MCF2L: variants seen among roughly 807,000 people sequenced by gnomAD.
The protein encoded by MCF2L is guanine nucleotide exchange factor DBS.
In MCF2L, 97 loss-of-function variants were observed where a neutral mutation model predicts 153.4. That is an observed-to-expected ratio of 0.63 (90% CI 0.54 to 0.75). MCF2L has a LOEUF of 0.75. Ranked by LOEUF, MCF2L falls within the 30% of genes least tolerant of loss-of-function variation. The pLI is 0.00. For missense variants in MCF2L, 1,347 were observed against 1,495.2 expected (o/e 0.90, Z 1.64); for synonymous variants, 659 against 632.2 (o/e 1.04, Z -0.64).
intron 2 of MCF2L, among the ~76,000 whole-genome samples, chr13:112,914,831 G>C (rs1048214737): frequency 1.4e-4 from 21 of 151,182 alleles, no homozygotes; most frequent in Non-Finnish European, 2.8e-4. Context: ...AGTGATGTGA[G>C]TTGAAAGTAT....
chr13:113,030,120 C>G (rs907507846), intron 3 of MCF2L, among the ~76,000 whole-genome samples: 1 of 152,202 alleles, frequency 6.6e-6, no homozygotes, highest in Non-Finnish European at 1.5e-5. Context: ...GTTTGGGGCA[C>G]CTGTTAATAT....
intron 3 of MCF2L, among the ~76,000 whole-genome samples, chr13:113,034,461 A>G (rs2086005828): frequency 6.6e-6 from 1 of 152,124 alleles, no homozygotes; most frequent in African/African-American, 2.4e-5. Context: ...TCATTCACAC[A>G]TGACCAATGG....
At chr13:113,060,487 C>A (rs2031197914) in intron 4 of MCF2L, 106 bp from the exon 5 acceptor site, 3 of 1,386,050 alleles carry the variant, frequency 2.2e-6, no homozygotes, top group African/African-American at 1.4e-5. Flanking sequence ...GGATGCCTGG[C>A]CGCTAGCTGC....
chr13:112,895,954 G>T (rs112963353), intron 1 of MCF2L, among the ~76,000 whole-genome samples: 3 of 152,308 alleles, frequency 2.0e-5, no homozygotes, highest in Admixed American at 6.5e-5. Context: ...CCCCCCACAC[G>T]TCTGTGAAAT....
chr13:113,062,083 C>G (rs1475100904), intron 5 of MCF2L, among the ~76,000 whole-genome samples: 2 of 150,880 alleles, frequency 1.3e-5, no homozygotes, highest in Non-Finnish European at 2.9e-5. Flanking sequence ...GGCCCCAGAA[C>G]CACCAGCTTC....
intron 12 of MCF2L, 74 bp downstream of exon 12, chr13:113,076,231 A>C: frequency 9.4e-7 from 1 of 1,068,728 alleles, no homozygotes; most frequent in Admixed American, 2.9e-5. Flanking sequence ...GGGAAGTTTG[A>C]AAGAATCATT....
At chr13:113,010,454 G>A (rs1301835175) in intron 1 of MCF2L, 1 of 152,182 alleles carries the variant, frequency 6.6e-6, no homozygotes. Flanking sequence ...TCAGTGGTGG[G>A]GCCTCACCTG....
At chr13:112,912,423 T>C (rs2081242213) in intron 2 of MCF2L, among the ~76,000 whole-genome samples, 1 of 151,998 alleles carries the variant, frequency 6.6e-6, no homozygotes. Flanking sequence ...TTCAAGCAAT[T>C]CTCCTGCCTC....
intron 2 of MCF2L, among the ~76,000 whole-genome samples, chr13:112,926,518 A>ACGGCCTGGTCTACATGCACAGCGGAGTG (rs2081408473): frequency 4.1e-5 from 4 of 97,370 alleles, no homozygotes; most frequent in South Asian, 7.4e-4. Context: ...ACAGCGGAGT[A>ACGGCCTGGTCTACATGCACAGCGGAGTG]CTGTACGGCC....
Position 113,046,833 on chromosome 13 carries a change from C to A in MCF2L, c.369+1472C>A. 2.8e-6 allele frequency: 1 copy of A among 362,488 alleles called. No homozygotes were observed. The highest frequency in any genetic ancestry group is 2.1e-5 in the African/African-American group (1 of 46,804). 22.5% of individuals were successfully genotyped at this position (362,488 alleles called of 1,614,324 possible). On this transcript the variant is annotated intron_variant, in intron 4 of 29. Coordinates refer to ENST00000535094, the MANE Select transcript of MCF2L (RefSeq NM_001112732.3). This position sits in a 1 kb window ranked among gnomAD's most constrained non-coding sequence, Gnocchi z 4.4. ...AATTCAAAACGCTTCAGGATGCTTCCAAAAAAGTAGACGTGTATAGAATCG... is the reference window on the plus strand; with the variant it reads ...AATTCAAAACGCTTCAGGATGCTTCAAAAAAAGTAGACGTGTATAGAATCG...
Position 113,066,107 on chromosome 13 carries a change from A to C in MCF2L, c.818A>C (p.Gln273Pro). The change falls in exon 8 of 30, where the codon CAG becomes CCG. Residue 273 changes from glutamine to proline, a missense_variant. Coordinates refer to ENST00000535094, the MANE Select transcript of MCF2L (RefSeq NM_001112732.3). ...GTCCTGGAGAGCCTCAGGGAGCTGC[A>C]GGCTGAGGGCTCAGAGCCCAGTGTG... is the stretch of plus-strand genomic sequence containing the variant. ...HSVLESLREL[Q>P]AEGSEPSVNQ... is the part of the protein sequence containing the mutation. The C allele has an allele frequency of 6.2e-7, 1 of 1,613,324 alleles. No homozygotes were observed. Among genetic ancestry groups the C allele is most frequent in the Non-Finnish European group, 8.5e-7 (1 of 1,179,944 alleles).
Position 113,042,009 on chromosome 13 carries a change from G to A in MCF2L, c.279-3262G>A, listed in dbSNP as rs141628186. The stretch of plus-strand genomic sequence containing the variant: ...ATAGCACCAGCCTCACGGGATGGTC[G>A]CTGGAGCTTGATGAATAGCTGTAGG... On this transcript the variant is annotated intron_variant, in intron 3 of 29. Coordinates refer to ENST00000535094, the MANE Select transcript of MCF2L (RefSeq NM_001112732.3). Among the ~76,000 whole-genome samples, 44 of 152,270 alleles carry A rather than the reference G, an allele frequency of 2.9e-4. 1 individual carries two copies. Among genetic ancestry groups the A allele is most frequent in the African/African-American group, 1.0e-3 (42 of 41,544 alleles).
chr13:113,081,222 G>T lies in MCF2L; in HGVS notation c.1818G>T (p.Met606Ile). The T allele has an allele frequency of 1.3e-6, 2 of 1,587,002 alleles. No homozygotes were observed. Among genetic ancestry groups the T allele is most frequent in the South Asian group, 2.3e-5 (2 of 86,280 alleles). The stretch of plus-strand genomic sequence containing the variant: ...CATGACCTGCCACCAGGCACGTGAT[G>T]AGCGAGCTCCTGGACACAGAACGGG... ...ESLAILRRHV[M>I]SELLDTERAY... Residue 606 changes from methionine to isoleucine, a missense_variant, in exon 16 of 30, where the codon ATG becomes ATT. By Grantham distance (10) the Met-to-Ile change is conservative (BLOSUM62 1). Coordinates refer to ENST00000535094, the MANE Select transcript of MCF2L (RefSeq NM_001112732.3).
intron 2 of MCF2L, among the ~76,000 whole-genome samples, chr13:112,916,473 G>T (rs114989932): frequency 6.6e-6 from 1 of 152,078 alleles, no homozygotes; most frequent in Non-Finnish European, 1.5e-5. Flanking sequence ...ATGAGTCTCC[G>T]CACGTCCGCG....
chr13:113,044,757 C>T, intron 3 of MCF2L: 1 of 1,612,938 alleles, frequency 6.2e-7, no homozygotes, highest in South Asian at 1.1e-5. Flanking sequence ...TGCCTCCTCT[C>T]CCGTTTCCAG....
chr13:112,994,946 C>T (rs373556537), intron 1 of MCF2L, among the ~76,000 whole-genome samples: 1 of 152,240 alleles, frequency 6.6e-6, no homozygotes, highest in African/African-American at 2.4e-5. Flanking sequence ...ACAACGCCTG[C>T]GTCCGTGTGC....
intron 26 of MCF2L, chr13:113,090,127 C>G (rs4907588): frequency 1.3e-6 from 2 of 1,545,962 alleles, no homozygotes; most frequent in Non-Finnish European, 8.7e-7. Flanking sequence ...GCGCTTTACC[C>G]TGCAGGGTTT....
chr13:113,085,305 T>A, intron 20 of MCF2L, 127 bp downstream of exon 20: 3 of 748,116 alleles, frequency 4.0e-6, no homozygotes, highest in Non-Finnish European at 6.8e-6. Context: ...TCCGAGCCTG[T>A]GCTGAGGCTG....
intron 8 of MCF2L, among the ~76,000 whole-genome samples, chr13:113,066,842 G>C (rs1010200858): frequency 6.6e-6 from 1 of 152,220 alleles, no homozygotes; most frequent in Non-Finnish European, 1.5e-5. Flanking sequence ...CGGCTTGTCC[G>C]GCAGGGCCGT....
Sources: gnomAD v4.1 joint callset for allele counts (sites outside exome capture counted in the v4.1 genomes callset) on GRCh38, gnomAD v4.1.1 for gene constraint, Gnocchi (gnomAD v3.1) non-coding constraint, MANE v1.5 for transcripts, NCBI Gene and HGNC (gene_info 2026-07-23, HGNC 2026-07-21) for gene names.